Variants in HIPK3 observed in about 807,000 individuals in gnomAD.
The protein encoded by HIPK3 is homeodomain-interacting protein kinase 3.
Under a neutral mutation model 124.2 loss-of-function variants are expected in HIPK3, and 47 were observed. That is an observed-to-expected ratio of 0.38 (90% CI 0.30 to 0.48). The LOEUF (loss-of-function observed/expected upper bound fraction) is 0.48, where lower values mean the gene tolerates loss of function less well. Among genes scored for constraint, HIPK3 ranks in the 20% least tolerant of loss-of-function variants. The pLI is 0.98. For synonymous variants in HIPK3, 482 were observed against 515.2 expected (o/e 0.94, Z 0.87); for missense variants, 1,286 against 1,454.3 (o/e 0.88, Z 1.88).
At chr11:33,349,593 T>C (rs1394096891) in intron 14 of HIPK3, among the ~76,000 whole-genome samples, 1 of 151,946 alleles carries the variant, frequency 6.6e-6, no homozygotes, top group African/African-American at 2.4e-5. Flanking sequence ...GGACCACAGG[T>C]GCGCACAGCG....
rs1468589616 is a variant in HIPK3, at chr11:33,263,051, G to A, written c.-3+5162G>A. Among the ~76,000 whole-genome samples the A allele has an allele frequency of 2.0e-5, 3 of 151,928 alleles. No individual in the cohort carries two copies. The East Asian group carries it at 5.8e-4, about 29-fold the overall frequency. On this transcript the variant is annotated intron_variant, in intron 1 of 16. Coordinates refer to ENST00000303296, the MANE Select transcript of HIPK3 (RefSeq NM_005734.5). Reference sequence around the variant, plus strand: ...GACACCTTGAATTTTTTCATTTTTTGTAGAGACGGGGTTGTGCTTTGTTGC... The same window carrying A: ...GACACCTTGAATTTTTTCATTTTTTATAGAGACGGGGTTGTGCTTTGTTGC...
At chr11:33,338,920 TACTC>T (rs1228215347) in intron 5 of HIPK3, 77 bp downstream of exon 5, 1 of 939,282 alleles carries the variant, frequency 1.1e-6, no homozygotes, top group Non-Finnish European at 1.7e-6. Context: ...CAAAACATGT[TACTC>T]AGTTTTTAAA....
chr11:33,282,288 G>C (rs1851430780), intron 1 of HIPK3, among the ~76,000 whole-genome samples: 1 of 152,256 alleles, frequency 6.6e-6, no homozygotes, highest in Middle Eastern at 3.4e-3. Flanking sequence ...GGGAGGCTGA[G>C]GTGGGAGGAT....
At chr11:33,259,300 ATTATT>A (rs1565049030) in intron 1 of HIPK3, among the ~76,000 whole-genome samples, 3 of 152,158 alleles carry the variant, frequency 2.0e-5, no homozygotes, top group African/African-American at 7.2e-5. Flanking sequence ...TTAATCCTAT[ATTATT>A]TAATTTTTCA....
chr11:33,324,486 C>T (rs915826382), intron 2 of HIPK3, among the ~76,000 whole-genome samples: 9 of 152,140 alleles, frequency 5.9e-5, no homozygotes, highest in South Asian at 4.1e-4. Context: ...AAATGAAATG[C>T]GGAAGCTTTT....
chr11:33,349,431 A>C (rs1853593757), intron 14 of HIPK3, 144 bp downstream of exon 14: 1 of 669,356 alleles, frequency 1.5e-6, no homozygotes, highest in African/African-American at 1.8e-5. Flanking sequence ...ATCAGTTTTT[A>C]TAAACACAGG....
At chr11:33,312,662 G>A (rs913767260) in intron 2 of HIPK3, among the ~76,000 whole-genome samples, 1 of 152,120 alleles carries the variant, frequency 6.6e-6, no homozygotes, top group Non-Finnish European at 1.5e-5. Context: ...AGGACACTTT[G>A]TAGAGGGCAT....
Position 33,341,613 on chromosome 11 carries a change from G to A in HIPK3, c.1824G>A (p.Gln608=), listed in dbSNP as rs1408730488. 2 of 1,613,730 alleles carry A rather than the reference G, an allele frequency of 1.2e-6. No individual in the cohort carries two copies. The highest frequency in any genetic ancestry group is 8.5e-7 in the Non-Finnish European group (1 of 1,179,834). Residue 608 remains glutamine (Q), a synonymous_variant, in exon 8 of 17, where the codon CAG becomes CAA. Coordinates refer to ENST00000303296, the MANE Select transcript of HIPK3 (RefSeq NM_005734.5). ...HSVVHHGIPL[Q]AGTAQFGCGD... Reference sequence around the variant, plus strand: ...TTGTGCACCATGGAATACCTCTGCAGGCAGGAACTGCTCAGTTTGGTTGTG... The same window carrying A: ...TTGTGCACCATGGAATACCTCTGCAAGCAGGAACTGCTCAGTTTGGTTGTG...
At position 33,339,343 on chromosome 11, in the gene HIPK3, T is replaced by A. The variant is rs1853260206; in HGVS notation, c.1429-7T>A. ...TACTTGATGGCTTGAAATTTTGATT[T>A]TCTTAGGTGAACACAGTGATGGATT... On this transcript the variant is annotated splice_polypyrimidine_tract_variant and splice_region_variant and intron_variant, in intron 5 of 16. Coordinates refer to ENST00000303296, the MANE Select transcript of HIPK3 (RefSeq NM_005734.5). 1 of 1,606,202 alleles carries A rather than the reference T, an allele frequency of 6.2e-7. No homozygotes were observed. The highest frequency in any genetic ancestry group is 8.5e-7 in the Non-Finnish European group (1 of 1,174,304).
At chr11:33,283,440 C>T (rs917487248) in intron 1 of HIPK3, among the ~76,000 whole-genome samples, 10 of 152,164 alleles carry the variant, frequency 6.6e-5, no homozygotes, top group South Asian at 2.1e-4. Flanking sequence ...ATAATTTTCT[C>T]TTACAGAGTG....
chr11:33,307,698 G>A (rs1268503738), intron 2 of HIPK3, among the ~76,000 whole-genome samples: 2 of 151,798 alleles, frequency 1.3e-5, no homozygotes, highest in African/African-American at 4.8e-5. Flanking sequence ...GAACCACCGT[G>A]CCTGGCCTAA....
At chr11:33,319,060 GT>G (rs2133955086) in intron 2 of HIPK3, among the ~76,000 whole-genome samples, 1 of 152,262 alleles carries the variant, frequency 6.6e-6, no homozygotes, top group East Asian at 1.9e-4. Context: ...CCAAAATTTG[GT>G]TGCTTCAGAA....
rs530615529 is a variant in HIPK3, at chr11:33,300,346, C to T, written c.1097+12835C>T. Among the ~76,000 whole-genome samples the T allele has an allele frequency of 9.4e-5, 14 of 148,846 alleles. No individual in the cohort carries two copies. In the East Asian group the frequency reaches 2.2e-3, roughly 23 times the overall value. On this transcript the variant is annotated intron_variant, in intron 2 of 16. Transcript: ENST00000303296. ...CTGGGTGACAAGAGCAAGACTCCAT[C>T]GCAAAAAAAAAAAAAGAACTTGCAG... is the stretch of plus-strand genomic sequence containing the variant.
chr11:33,290,857 A>G (rs1038627910), intron 2 of HIPK3, among the ~76,000 whole-genome samples: 3 of 152,156 alleles, frequency 2.0e-5, no homozygotes, highest in African/African-American at 7.2e-5. Flanking sequence ...GTGTTTATAT[A>G]TAAATTTCAG....
At chr11:33,324,681 C>T (rs1852760562) in intron 2 of HIPK3, among the ~76,000 whole-genome samples, 1 of 152,198 alleles carries the variant, frequency 6.6e-6, no homozygotes, top group Non-Finnish European at 1.5e-5. Flanking sequence ...GTGTGGGGCA[C>T]TAGAGTTGGG....
At chr11:33,316,134 T>C (rs1852494472) in intron 2 of HIPK3, among the ~76,000 whole-genome samples, 1 of 152,230 alleles carries the variant, frequency 6.6e-6, no homozygotes, top group Admixed American at 6.5e-5. Context: ...AAAACATTCA[T>C]AACAAAAAAT....
chr11:33,292,416 G>C (rs1851722088), intron 2 of HIPK3, among the ~76,000 whole-genome samples: 1 of 152,154 alleles, frequency 6.6e-6, no homozygotes. Flanking sequence ...AAATGCCAGG[G>C]TGGAGAGGTG....
intron 14 of HIPK3, among the ~76,000 whole-genome samples, chr11:33,350,374 G>T (rs1211375440): frequency 1.3e-5 from 2 of 152,036 alleles, no homozygotes; most frequent in East Asian, 3.9e-4. Flanking sequence ...CGCATTGAGA[G>T]ATAAGCCACA....
At chr11:33,294,401 T>TACACACCC (rs202000778) in intron 2 of HIPK3, among the ~76,000 whole-genome samples, 1 of 152,082 alleles carries the variant, frequency 6.6e-6, no homozygotes, top group African/African-American at 2.4e-5. Flanking sequence ...ATTCTCTCTT[T>TACACACCC]ACACACCCAC....
Sources: gnomAD v4.1 joint callset for allele counts (sites outside exome capture counted in the v4.1 genomes callset) on GRCh38, gnomAD v4.1.1 for gene constraint, MANE v1.5 for transcripts, NCBI Gene and HGNC (gene_info 2026-07-23, HGNC 2026-07-21) for gene names.